Variants in HUWE1 observed in about 807,000 individuals in gnomAD.
HUWE1 encodes the protein HECT, UBA and WWE domain containing E3 ubiquitin protein ligase 1.
A neutral mutation model predicts 299.4 loss-of-function variants in HUWE1; 18 were observed. The ratio of observed to expected loss-of-function variants is 0.06; its 90% CI spans 0.04 to 0.09. HUWE1 has a LOEUF of 0.09. Among genes scored for constraint, HUWE1 ranks in the 10% least tolerant of loss-of-function variants. The pLI is 1.00. For synonymous variants in HUWE1, 1,317 were observed against 1,286.1 expected, an observed-to-expected ratio of 1.02 and a Z score of -0.51; for missense variants, 1,832 against 3,462.3, an observed-to-expected ratio of 0.53 and a Z score of 11.82.
intron 25 of HUWE1, among the ~76,000 whole-genome samples, chrX:53,605,076 T>G (rs1466784072): frequency 8.9e-6 from 1 of 112,048 alleles, no homozygotes; most frequent in African/African-American, 3.2e-5. Flanking sequence ...ACTTAAAAGC[T>G]TATGATGGTC....
chrX:53,560,392 T>G lies in HUWE1; in HGVS notation c.7532A>C (p.Asn2511Thr). 8.3e-7 allele frequency: 1 copy of G among 1,211,065 alleles called. No homozygotes were observed. Among genetic ancestry groups the G allele is most frequent in the Non-Finnish European group, 1.1e-6 (1 of 894,986 alleles). The change falls in exon 56 of 84, where the codon AAT becomes ACT. Residue 2511 changes from asparagine to threonine, a missense_variant. Transcript: ENST00000262854. ...SATDIPPSPG[N>T]IPTTHPLMVR... ...CATCAGTGGATGGGTGGTAGGGATATTTCCTGGGGATGGGGGGATGTCTGC... is the reference window on the plus strand; with the variant it reads ...CATCAGTGGATGGGTGGTAGGGATAGTTCCTGGGGATGGGGGGATGTCTGC...
At chrX:53,562,303 T>C (rs2062331327) in intron 53 of HUWE1, 59 bp from the exon 54 acceptor site, 3 of 1,177,868 alleles carry the variant, frequency 2.5e-6, no homozygotes, top group South Asian at 1.9e-5. Context: ...CAGGCTACTG[T>C]GCAGGCCAGC....
At chrX:53,556,756 A>G (rs2062038717) in intron 60 of HUWE1, among the ~76,000 whole-genome samples, 1 of 112,154 alleles carries the variant, frequency 8.9e-6, no homozygotes, top group African/African-American at 3.2e-5. Context: ...AAAAAGAACA[A>G]AAAGTAGAGA....
chrX:53,563,476 A>G (rs1202991232), intron 52 of HUWE1, among the ~76,000 whole-genome samples: 1 of 111,090 alleles, frequency 9.0e-6, no homozygotes, highest in Non-Finnish European at 1.9e-5. Flanking sequence ...GCCTCCATGA[A>G]TAAACACTCT....
rs1199501947 is a variant in HUWE1 at position 53,562,890 on chromosome X, A to G, written c.7145T>C (p.Leu2382Pro). The change falls in exon 53 of 84, where the codon CTG (leucine) becomes CCG (proline). Residue 2382 changes from leucine to proline, a missense_variant. Physicochemically the swap from Leu to Pro is moderately conservative, Grantham distance 98. Coordinates refer to ENST00000262854, the MANE Select transcript of HUWE1 (RefSeq NM_031407.7). ...SGEDESQEDVLMDEAPSNLSQ... is the reference protein window; with the variant it reads ...SGEDESQEDVPMDEAPSNLSQ... ...GAGGTTGGAAGGAGCTTCATCCATC[A>G]GCACGTCCTCTTGTGATTCATCCTC... 8.3e-7 allele frequency: 1 copy of G among 1,209,743 alleles called. No homozygotes were observed. Among genetic ancestry groups the G allele is most frequent in the Non-Finnish European group, 1.1e-6 (1 of 894,848 alleles).
intron 19 of HUWE1, among the ~76,000 whole-genome samples, chrX:53,623,476 T>C (rs2066279629): frequency 8.9e-6 from 1 of 112,257 alleles, no homozygotes; most frequent in Admixed American, 9.4e-5. Flanking sequence ...ACAAGAAGAC[T>C]TCCTCAACCT....
At chrX:53,578,740 G>A (rs1398170825) in intron 43 of HUWE1, among the ~76,000 whole-genome samples, 1 of 68,466 alleles carries the variant, frequency 1.5e-5, no homozygotes, top group Non-Finnish European at 2.8e-5. Context: ...GCCTCTGCCC[G>A]GCCGCCCCTA....
chrX:53,667,539 G>A (rs2069307521), intron 3 of HUWE1, among the ~76,000 whole-genome samples: 1 of 111,697 alleles, frequency 9.0e-6, no homozygotes, highest in African/African-American at 3.3e-5. Context: ...ACTTAATATC[G>A]ACTGAAAGTG....
Position 53,544,654 on chromosome X carries a change from G to A in HUWE1, c.11157C>T (p.Thr3719=), listed in dbSNP as rs2061478659. ...SMSMLTSKTS[T]QKFFLRVLQV... ...GTAGTACCCTCAAGAAGAACTTCTG[G>A]GTAGATGTCTTGGATGTCAACATGG... The change falls in exon 72 of 84, where the codon ACC becomes ACT. Residue 3719 remains threonine, a synonymous_variant. Transcript: ENST00000262854. 2 of 1,205,421 alleles carry A rather than the reference G, an allele frequency of 1.7e-6. No homozygotes were observed. Among genetic ancestry groups the A allele is most frequent in the Admixed American group, 2.2e-5 (1 of 45,347 alleles).
At chrX:53,643,938 C>G (rs1557033317) in intron 7 of HUWE1, among the ~76,000 whole-genome samples, 1 of 111,256 alleles carries the variant, frequency 9.0e-6, no homozygotes, top group Non-Finnish European at 1.9e-5. Context: ...ATCCTCTTAC[C>G]TCAGCCTCCC....
At chrX:53,571,965 G>A (rs1200538389) in intron 47 of HUWE1, among the ~76,000 whole-genome samples, 1 of 111,614 alleles carries the variant, frequency 9.0e-6, no homozygotes, top group Non-Finnish European at 1.9e-5. Context: ...ACAGAAATTG[G>A]GTAGTTCACG....
intron 9 of HUWE1, chrX:53,632,072 C>CT: frequency 2.9e-6 from 1 of 344,188 alleles, no homozygotes; most frequent in Non-Finnish European, 5.5e-6. Context: ...AAACCAAACT[C>CT]TTTAGTACCT....
chrX:53,565,233 G>A lies in HUWE1; in HGVS notation c.6714C>T (p.Asn2238=), dbSNP rs782481306. 4 of 1,207,395 alleles carry A rather than the reference G, an allele frequency of 3.3e-6. No homozygotes were observed. In the East Asian group the frequency reaches 1.2e-4, roughly 36 times the overall value. ...GAGCAGCATTGACTGTGTTGGCCAT[G>A]TTGGGACTGAGATAAGGGAAGATAA... ...VPHSLDLSSP[N]MANTVNAALK... is the part of the protein sequence containing the mutation. The change falls in exon 50 of 84, where the codon AAC becomes AAT. Residue 2238 remains asparagine (N), a synonymous_variant. Coordinates refer to ENST00000262854, the MANE Select transcript of HUWE1 (RefSeq NM_031407.7).
intron 74 of HUWE1, among the ~76,000 whole-genome samples, chrX:53,540,359 C>T (rs7054379): frequency 0.19 from 20,541 of 108,180 alleles, 4,657 homozygotes; most frequent in African/African-American, 0.64. Context: ...GAGACAGTCT[C>T]GTTCTGTCGC....
rs1326618489 is a variant in HUWE1, at chrX:53,646,551, C to G, written c.351+817G>C. ...GTATGTAATATAGCTAGAAATGAACCAAGGCATTTCCAGTTGCCAATTATA... is the reference window on the plus strand; with the variant it reads ...GTATGTAATATAGCTAGAAATGAACGAAGGCATTTCCAGTTGCCAATTATA... On this transcript the variant is annotated intron_variant, in intron 6 of 83. Coordinates refer to ENST00000262854, the MANE Select transcript of HUWE1 (RefSeq NM_031407.7). 7.2e-5 allele frequency among the ~76,000 whole-genome samples: 8 copies of G among 111,809 alleles called. No individual in the cohort carries two copies. In the Admixed American group the frequency reaches 7.6e-4, roughly 11 times the overall value.
At chrX:53,658,898 T>C (rs2068870873) in intron 3 of HUWE1, among the ~76,000 whole-genome samples, 1 of 112,550 alleles carries the variant, frequency 8.9e-6, no homozygotes, top group African/African-American at 3.2e-5. Flanking sequence ...AATGGGCCAA[T>C]GGGCCAAAGA....
intron 29 of HUWE1, 46 bp from the exon 30 acceptor site, chrX:53,595,449 G>A: frequency 1.0e-6 from 1 of 1,004,228 alleles, no homozygotes; most frequent in African/African-American, 1.9e-5. Context: ...TTCTCAGAAT[G>A]GTTTAATTAC....
chrX:53,591,848 C>G (rs2064180883), intron 33 of HUWE1, among the ~76,000 whole-genome samples: 1 of 111,478 alleles, frequency 9.0e-6, no homozygotes, highest in South Asian at 3.8e-4. Context: ...ATATAGTAGA[C>G]AGATTTGAAC....
Position 53,660,576 on chromosome X carries a change from C to G in HUWE1, c.-24-6445G>C, listed in dbSNP as rs1193214088. 2.7e-5 allele frequency among the ~76,000 whole-genome samples: 3 copies of G among 111,791 alleles called. No homozygotes were observed. In the Admixed American group the frequency reaches 2.8e-4, roughly 11 times the overall value. The stretch of plus-strand genomic sequence containing the variant: ...GGGGAACGTTAGTATACTGAGTGTC[C>G]ATTACAAGCCAGACAATACTGAGAC... On this transcript the variant is annotated intron_variant, in intron 3 of 83. Coordinates refer to ENST00000262854, the MANE Select transcript of HUWE1 (RefSeq NM_031407.7).
Sources: allele counts gnomAD v4.1 joint callset (sites outside exome capture counted in the v4.1 genomes callset), GRCh38; gene constraint gnomAD v4.1.1; transcripts MANE v1.5; gene names NCBI Gene and HGNC (gene_info 2026-07-23, HGNC 2026-07-21).